The following SEC14L4 variants were observed in gnomAD, a reference collection of about 807,000 sequenced individuals.
The protein encoded by SEC14L4 is SEC14-like protein 4.
Under a neutral mutation model 55.1 loss-of-function variants are expected in SEC14L4, and 42 were observed. The observed-to-expected ratio is 0.76, with a 90% CI of 0.60 to 0.99. The LOEUF (loss-of-function observed/expected upper bound fraction) is 0.99, where lower values mean the gene tolerates loss of function less well. Among genes scored for constraint, SEC14L4 ranks in the 50% least tolerant of loss-of-function variants. The probability of loss-of-function intolerance (pLI) is 0.00; values close to 1 mark genes in which losing one functional copy is unlikely to be tolerated. For missense variants in SEC14L4, 445 were observed against 512.1 expected, an observed-to-expected ratio of 0.87 and a Z score of 1.27; for synonymous variants, 206 against 206.8, an observed-to-expected ratio of 1.00 and a Z score of 0.03.
At chr22:30,495,513 G>A (rs1936117877) in intron 4 of SEC14L4, 70 bp downstream of exon 4, 2 of 1,609,542 alleles carry the variant, frequency 1.2e-6, no homozygotes, top group African/African-American at 1.3e-5. Context: ...CAGGTGGCTG[G>A]ACGTGGTAGG....
chr22:30,502,534 C>T (rs1350322137), intron 2 of SEC14L4, among the ~76,000 whole-genome samples: 1 of 152,106 alleles, frequency 6.6e-6, no homozygotes, highest in African/African-American at 2.4e-5. Flanking sequence ...GAATTTTTCC[C>T]TAAGCTCTGG....
chr22:30,491,898 A>G lies in SEC14L4; in HGVS notation c.847T>C (p.Ser283Pro). The G allele has an allele frequency of 6.2e-7, 1 of 1,613,578 alleles. No homozygotes were observed. Among genetic ancestry groups the G allele is most frequent in the Non-Finnish European group, 8.5e-7 (1 of 1,179,954 alleles). ...TGCAGGGAGGAGCCGCGGCCCACGG[A>G]CCTCGTGTGCTCATACTGCAGCCTC... ...QVRLQYEHTR[S>P]VGRGSSLQVE... The change falls in exon 10 of 12, where the codon TCC (serine) becomes CCC (proline). Residue 283 changes from serine (S) to proline (P), a missense_variant. Physicochemically the swap from Ser to Pro is moderately conservative, Grantham distance 74 (BLOSUM62 -1). Transcript: ENST00000255858.
At chr22:30,502,911 G>A (rs542474205) in intron 2 of SEC14L4, among the ~76,000 whole-genome samples, 2 of 152,244 alleles carry the variant, frequency 1.3e-5, no homozygotes, top group East Asian at 1.9e-4. Flanking sequence ...TCTAGCATTC[G>A]CTAAATCCAC....
chr22:30,499,504 A>G (rs1382320546), intron 2 of SEC14L4, among the ~76,000 whole-genome samples: 11 of 151,460 alleles, frequency 7.3e-5, no homozygotes, highest in African/African-American at 2.7e-4. Context: ...TTCGGAGGCC[A>G]AGGCAGGCAG....
In SEC14L4 at chr22:30,491,554, T is replaced by C. The variant is rs370460762; in HGVS notation, c.1081+19A>G. The C allele has an allele frequency of 3.7e-6, 6 of 1,613,472 alleles. No homozygotes were observed. Among genetic ancestry groups the C allele is most frequent in the Non-Finnish European group, 5.1e-6 (6 of 1,179,700 alleles). On this transcript the variant is annotated intron_variant, in intron 11 of 11. Coordinates refer to ENST00000255858, the MANE Select transcript of SEC14L4 (RefSeq NM_174977.4). ...AGACTGGCAGGGAAAACAATTCCAGTAAACCCCGCAGCTCTTACAGACGCC... is the reference window on the plus strand; with the variant it reads ...AGACTGGCAGGGAAAACAATTCCAGCAAACCCCGCAGCTCTTACAGACGCC...
Position 30,494,201 on chromosome 22 carries a change from T to C in SEC14L4, c.529A>G (p.Ile177Val). 6.2e-7 allele frequency: 1 copy of C among 1,613,710 alleles called. No individual in the cohort carries two copies. Among genetic ancestry groups the C allele is most frequent in the Non-Finnish European group, 8.5e-7 (1 of 1,179,630 alleles). The stretch of plus-strand genomic sequence containing the variant: ...GTCTCAGGATAATTTGCTTCCAGGA[T>C]GCTAAAAAACTGTGGAGTCAAGATG... ...AVEVYQQFFSILEANYPETLK... is the reference protein window; with the variant it reads ...AVEVYQQFFSVLEANYPETLK... The change falls in exon 7 of 12, where the codon ATC becomes GTC. Residue 177 changes from isoleucine to valine, a missense_variant. Transcript: ENST00000255858.
At position 30,489,804 on chromosome 22, in the gene SEC14L4, G is replaced by C; in HGVS notation, c.*303C>G. The C allele has an allele frequency of 6.8e-7, 1 of 1,481,476 alleles. No homozygotes were observed. Among genetic ancestry groups the C allele is most frequent in the Non-Finnish European group, 9.2e-7 (1 of 1,082,810 alleles). The allele number at this position is 1,481,476 out of a possible 1,614,324, so 91.8% of individuals were successfully genotyped here. A position where few individuals can be genotyped will look rare whatever the true frequency, so the allele number is the denominator to read the frequency against. On this transcript the variant is annotated 3_prime_UTR_variant, in exon 12 of 12. Coordinates refer to ENST00000255858, the MANE Select transcript of SEC14L4 (RefSeq NM_174977.4). The stretch of plus-strand genomic sequence containing the variant: ...CTGGATCTTGTCAAGATGGGTGAAA[G>C]GGCAGCTTCTGCAAGCAGGACCCAT...
chr22:30,495,306 C>T lies in SEC14L4; in HGVS notation c.371G>A (p.Arg124His), dbSNP rs750590896. ...CAACAGCAGCTCACAGACTTTGATG[C>T]GCTTCCGGATCATATCCTGCTTGGA... ...SASKQDMIRK[R>H]IKVCELLLHE... is the part of the protein sequence containing the mutation. The change falls in exon 5 of 12, where the codon CGC becomes CAC. Residue 124 changes from arginine to histidine, a missense_variant. Arg to His is a conservative substitution (Grantham distance 29). Transcript: ENST00000255858. The T allele has an allele frequency of 8.1e-6, 13 of 1,613,608 alleles. No homozygotes were observed. The highest frequency in any genetic ancestry group is 2.2e-5 in the East Asian group (1 of 44,850).
intron 4 of SEC14L4, 47 bp downstream of exon 4, chr22:30,495,536 G>T: frequency 1.2e-6 from 2 of 1,611,350 alleles, no homozygotes; most frequent in Non-Finnish European, 1.7e-6. Context: ...GGAGATGTCA[G>T]GGGTGAGGGG....
Position 30,489,571 on chromosome 22 carries a change from A to G in SEC14L4, c.*536T>C. ...CAATTTTCCATCCAGTGGTGGCAGA[A>G]CAAACTTGGATGGGCCCCAGTGCTC... On this transcript the variant is annotated 3_prime_UTR_variant, in exon 12 of 12. Coordinates refer to ENST00000255858, the MANE Select transcript of SEC14L4 (RefSeq NM_174977.4). The G allele has an allele frequency of 1.9e-6, 1 of 528,684 alleles. No individual in the cohort carries two copies. Among genetic ancestry groups the G allele is most frequent in the East Asian group, 3.2e-5 (1 of 31,390 alleles). 32.7% of individuals were successfully genotyped at this position (528,684 alleles called of 1,614,324 possible).
At position 30,495,654 on chromosome 22, in the gene SEC14L4, C is replaced by T; in HGVS notation, c.175-12G>A. On this transcript the variant is annotated splice_polypyrimidine_tract_variant and intron_variant, in intron 3 of 11. Coordinates refer to ENST00000255858, the MANE Select transcript of SEC14L4 (RefSeq NM_174977.4). ...CGGAACTCCATGTGCTGCAGGAACA[C>T]AGCAGGAGCTATAGGATTTTGCAGG... The T allele has an allele frequency of 6.2e-7, 1 of 1,614,110 alleles. No individual in the cohort carries two copies. Among genetic ancestry groups the T allele is most frequent in the Non-Finnish European group, 8.5e-7 (1 of 1,180,028 alleles).
Position 30,493,041 on chromosome 22 carries a change from G to A in SEC14L4, c.581-484C>T, listed in dbSNP as rs939678839. On this transcript the variant is annotated intron_variant, in intron 7 of 11. Coordinates refer to ENST00000255858, the MANE Select transcript of SEC14L4 (RefSeq NM_174977.4). Reference sequence around the variant, plus strand: ...AGAGGTTGCAGTGAGCCAAGATCACGCCACTGCACTCCAGCCTGGGTGAGA... The same window carrying A: ...AGAGGTTGCAGTGAGCCAAGATCACACCACTGCACTCCAGCCTGGGTGAGA... Among the ~76,000 whole-genome samples the A allele has an allele frequency of 9.8e-5, 14 of 142,590 alleles. No homozygotes were observed. In the East Asian group the frequency reaches 1.8e-3, roughly 19 times the overall value. 93.5% of individuals were successfully genotyped at this position (142,590 alleles called of 152,430 possible).
At chr22:30,504,566 A>G (rs1936433108) in intron 1 of SEC14L4, among the ~76,000 whole-genome samples, 1 of 152,178 alleles carries the variant, frequency 6.6e-6, no homozygotes, top group African/African-American at 2.4e-5. Context: ...AACACTTAGC[A>G]GGCTTGGCTC....
At chr22:30,493,083 C>CAAA (rs10593638) in intron 7 of SEC14L4, among the ~76,000 whole-genome samples, 8 of 80,436 alleles carry the variant, frequency 9.9e-5, no homozygotes, top group Non-Finnish European at 1.3e-4. Flanking sequence ...GATTCCATCT[C>CAAA]AAAAAAAAAA....
At chr22:30,494,058 G>T in intron 7 of SEC14L4, 92 bp downstream of exon 7, 1 of 917,376 alleles carries the variant, frequency 1.1e-6, no homozygotes, top group Non-Finnish European at 1.8e-6. Flanking sequence ...CACAAAGGAT[G>T]GGTGAAGAAG....
chr22:30,503,943 C>T (rs754901539), intron 1 of SEC14L4, among the ~76,000 whole-genome samples, 191 bp from the exon 2 acceptor site: 55 of 152,092 alleles, frequency 3.6e-4, no homozygotes, highest in Non-Finnish European at 5.1e-4. Flanking sequence ...GAGTTGGGTC[C>T]TTCCCAAAAT....
rs569525661 is a variant in SEC14L4, at chr22:30,489,610, A to G, written c.*497T>C. 1.5e-4 allele frequency: 86 copies of G among 581,600 alleles called. No homozygotes were observed. The highest frequency in any genetic ancestry group is 1.5e-3 in the African/African-American group (78 of 53,528). 36.0% of individuals were successfully genotyped at this position (581,600 alleles called of 1,614,324 possible). A position where few individuals can be genotyped will look rare whatever the true frequency, so the allele number is the denominator to read the frequency against. On this transcript the variant is annotated 3_prime_UTR_variant, in exon 12 of 12. Coordinates refer to ENST00000255858, the MANE Select transcript of SEC14L4 (RefSeq NM_174977.4). ...GCCCCAGTGCTCTGCTGGAACCAGG[A>G]CCCTCACCCAGCTGCCTCCAGCTGG...
In SEC14L4 at chr22:30,489,734, C is replaced by T. The variant is rs1301153809; in HGVS notation, c.*373G>A. The stretch of plus-strand genomic sequence containing the variant: ...GTCCACAGGACCTAGGAACCACGCA[C>T]ACCCCCTGAAGCTGGAACACCAGGC... On this transcript the variant is annotated 3_prime_UTR_variant, in exon 12 of 12. Coordinates refer to ENST00000255858, the MANE Select transcript of SEC14L4 (RefSeq NM_174977.4). 2 of 851,128 alleles carry T rather than the reference C, an allele frequency of 2.3e-6. No homozygotes were observed. Among genetic ancestry groups the T allele is most frequent in the East Asian group, 5.3e-5 (2 of 37,848 alleles). The allele number at this position is 851,128 out of a possible 1,614,324, so 52.7% of individuals were successfully genotyped here.
chr22:30,497,524 GAA>G (rs751995736), intron 2 of SEC14L4, among the ~76,000 whole-genome samples: 19 of 124,374 alleles, frequency 1.5e-4, no homozygotes, highest in Admixed American at 2.5e-4. Flanking sequence ...GACCCTGTCT[GAA>G]AAAAAAAAAA....
Sources: allele counts gnomAD v4.1 joint callset (sites outside exome capture counted in the v4.1 genomes callset), GRCh38; gene constraint gnomAD v4.1.1; transcripts MANE v1.5; gene names NCBI Gene and HGNC (gene_info 2026-07-23, HGNC 2026-07-21).